Variants in CYP46A1 observed in about 807,000 individuals in gnomAD.
CYP46A1 encodes the protein cholesterol 24-hydroxylase.
A neutral mutation model predicts 63.3 loss-of-function variants in CYP46A1; 20 were observed. That is an observed-to-expected ratio of 0.32 (90% CI 0.22 to 0.46). The LOEUF is 0.46. Among genes scored for constraint, CYP46A1 ranks in the 20% least tolerant of loss-of-function variants. The probability of loss-of-function intolerance (pLI) is 1.00; values close to 1 mark genes in which losing one functional copy is unlikely to be tolerated. For synonymous variants in CYP46A1, 268 were observed against 273.6 expected, an observed-to-expected ratio of 0.98 and a Z score of 0.20; for missense variants, 445 against 670.8, an observed-to-expected ratio of 0.66 and a Z score of 3.72.
chr14:99,714,125 A>G (rs527637155), intron 7 of CYP46A1, among the ~76,000 whole-genome samples: 1 of 152,378 alleles, frequency 6.6e-6, no homozygotes, highest in African/African-American at 2.4e-5. Context: ...GGTATATGAA[A>G]AAATGTTCAA....
intron 5 of CYP46A1, among the ~76,000 whole-genome samples, chr14:99,704,620 G>A (rs1354290659): frequency 1.3e-5 from 2 of 152,204 alleles, no homozygotes; most frequent in Non-Finnish European, 2.9e-5. Flanking sequence ...TACAATAGCT[G>A]CAAGAGATTC....
chr14:99,724,137 C>G (rs1023039196), intron 12 of CYP46A1, among the ~76,000 whole-genome samples: 17 of 152,198 alleles, frequency 1.1e-4, no homozygotes, highest in Admixed American at 6.5e-5. Flanking sequence ...AGGGCCCATC[C>G]TAAGTACCTC....
intron 3 of CYP46A1, among the ~76,000 whole-genome samples, chr14:99,695,195 G>T (rs1595187300): frequency 6.6e-6 from 1 of 152,176 alleles, no homozygotes. Flanking sequence ...ATTGAAATTT[G>T]TTTTATGGCC....
chr14:99,717,942 TG>T, intron 9 of CYP46A1, 111 bp from the exon 10 acceptor site: 2 of 813,334 alleles, frequency 2.5e-6, no homozygotes, highest in South Asian at 1.7e-5. Context: ...GCCAGATGCC[TG>T]GGGGCACATG....
intron 1 of CYP46A1, among the ~76,000 whole-genome samples, chr14:99,687,938 T>C (rs539377331): frequency 2.5e-4 from 38 of 152,024 alleles, no homozygotes; most frequent in African/African-American, 9.2e-4. Context: ...CTTCCTGTTC[T>C]GTTGTCGCCT....
At chr14:99,692,846 AAAG>A (rs1210202614) in intron 3 of CYP46A1, among the ~76,000 whole-genome samples, 1 of 152,096 alleles carries the variant, frequency 6.6e-6, no homozygotes, top group African/African-American at 2.4e-5. Context: ...AGAAAAAAAA[AAAG>A]AAGTGAAATG....
chr14:99,719,761 CTT>C (rs55891116), intron 10 of CYP46A1, among the ~76,000 whole-genome samples: 289 of 118,018 alleles, frequency 2.4e-3, no homozygotes, highest in Middle Eastern at 4.4e-3. Flanking sequence ...TTTTTCTTTT[CTT>C]TTTTTTTTTT....
intron 3 of CYP46A1, among the ~76,000 whole-genome samples, chr14:99,693,443 A>G (rs543206947): frequency 2.0e-5 from 3 of 152,382 alleles, no homozygotes; most frequent in African/African-American, 7.2e-5. Flanking sequence ...ATAGTGAATT[A>G]TACTGATTGA....
intron 1 of CYP46A1, 35 bp from the exon 2 acceptor site, chr14:99,691,046 C>T (rs771572705): frequency 5.6e-6 from 9 of 1,600,824 alleles, no homozygotes; most frequent in Non-Finnish European, 7.7e-6. Context: ...TTCCTGTTGA[C>T]TGCTGGTAAG....
intron 9 of CYP46A1, chr14:99,717,688 C>A: frequency 4.8e-6 from 1 of 207,334 alleles, no homozygotes; most frequent in Non-Finnish European, 9.7e-6. Flanking sequence ...ATCAGCCTCC[C>A]GAAATGTCCA....
In CYP46A1 at chr14:99,700,033, G is replaced by A; in HGVS notation, c.375G>A (p.Leu125=). 1.2e-6 allele frequency: 2 copies of A among 1,600,272 alleles called. No individual in the cohort carries two copies. Among genetic ancestry groups the A allele is most frequent in the East Asian group, 2.3e-5 (1 of 44,222 alleles). ...VFGERLFGQG[L]VSECNYERWH... is the part of the protein sequence containing the mutation. ...CCTACAGACTCTTCGGCCAAGGCTT[G>A]GTGTCCGAATGCAACTATGAGCGCT... Residue 125 remains leucine (L), a synonymous_variant, in exon 5 of 15, where the codon TTG becomes TTA. Coordinates refer to ENST00000261835, the MANE Select transcript of CYP46A1 (RefSeq NM_006668.2).
At chr14:99,685,467 T>C (rs2056486006) in intron 1 of CYP46A1, among the ~76,000 whole-genome samples, 1 of 151,328 alleles carries the variant, frequency 6.6e-6, no homozygotes, top group African/African-American at 2.4e-5. Context: ...ACCTCTGAGG[T>C]TACCTTCTTT....
chr14:99,707,924 G>A, intron 7 of CYP46A1: 1 of 479,386 alleles, frequency 2.1e-6, no homozygotes, highest in Non-Finnish European at 3.7e-6. Flanking sequence ...AGCAGGCAAT[G>A]TAGGATGACT....
At position 99,709,957 on chromosome 14, in the gene CYP46A1, T is replaced by G. The variant is rs116921022; in HGVS notation, c.693+2279T>G. On this transcript the variant is annotated intron_variant, in intron 7 of 14. Transcript: ENST00000261835. ...AGTGCTGGAAATTAAAAACTGTCAGTCAAGATTATAGTACCCAGTAATGCT... is the reference window on the plus strand; with the variant it reads ...AGTGCTGGAAATTAAAAACTGTCAGGCAAGATTATAGTACCCAGTAATGCT... 9.2e-3 allele frequency: 1,408 copies of G among 152,228 alleles called. 12 individuals are homozygous for G. The highest frequency in any genetic ancestry group is 0.017 in the Middle Eastern group (5 of 294). The allele number at this position is 152,228 out of a possible 1,614,324, so 9.4% of individuals were successfully genotyped here. A position where few individuals can be genotyped will look rare whatever the true frequency, so the allele number is the denominator to read the frequency against.
intron 5 of CYP46A1, among the ~76,000 whole-genome samples, chr14:99,705,691 C>A (rs1383245170): frequency 6.6e-6 from 1 of 152,180 alleles, no homozygotes; most frequent in East Asian, 1.9e-4. Flanking sequence ...CTTTGGGAGG[C>A]CAAGGTGGGT....
chr14:99,720,737 T>C (rs1163934478), intron 10 of CYP46A1, among the ~76,000 whole-genome samples: 1 of 151,206 alleles, frequency 6.6e-6, no homozygotes. Context: ...CCCTGCAACA[T>C]AGTTCCCAGT....
chr14:99,723,589 G>A (rs868438091), intron 12 of CYP46A1, among the ~76,000 whole-genome samples: 8 of 152,238 alleles, frequency 5.3e-5, no homozygotes, highest in African/African-American at 9.6e-5. Flanking sequence ...GATTACAGGC[G>A]TGAGCCAGCG....
At chr14:99,691,041 G>C (rs754593932) in intron 1 of CYP46A1, 40 bp from the exon 2 acceptor site, 1 of 1,595,708 alleles carries the variant, frequency 6.3e-7, no homozygotes, top group Non-Finnish European at 8.6e-7. Flanking sequence ...GTTCTTTCCT[G>C]TTGACTGCTG....
Position 99,727,007 on chromosome 14 carries a change from AC to A in CYP46A1, c.*283del. 2.6e-6 allele frequency: 1 copy of A among 388,546 alleles called. No individual in the cohort carries two copies. Among genetic ancestry groups the A allele is most frequent in the Non-Finnish European group, 4.6e-6 (1 of 219,234 alleles). The allele number at this position is 388,546 out of a possible 1,614,324, so 24.1% of individuals were successfully genotyped here. A position where few individuals can be genotyped will look rare whatever the true frequency, so the allele number is the denominator to read the frequency against. ...CACAGGCCACTTGCTCAGACGAGACACCCTAACTCTTGCTCACTCCCTAAAG... is the reference window on the plus strand; with the variant it reads ...CACAGGCCACTTGCTCAGACGAGACACCTAACTCTTGCTCACTCCCTAAAG... On this transcript the variant is annotated 3_prime_UTR_variant, in exon 15 of 15. Coordinates refer to ENST00000261835, the MANE Select transcript of CYP46A1 (RefSeq NM_006668.2).
Sources: allele counts gnomAD v4.1 joint callset (sites outside exome capture counted in the v4.1 genomes callset), GRCh38; gene constraint gnomAD v4.1.1; transcripts MANE v1.5; gene names NCBI Gene and HGNC (gene_info 2026-07-23, HGNC 2026-07-21).